CNTNAP2: variants seen among roughly 807,000 people sequenced by gnomAD.
CNTNAP2 encodes contactin associated protein 2.
In CNTNAP2, 98 loss-of-function variants were observed where a neutral mutation model predicts 155.2. The ratio of observed to expected loss-of-function variants is 0.63; its 90% CI spans 0.54 to 0.75. CNTNAP2 has a LOEUF of 0.75. Ranked by LOEUF, CNTNAP2 falls within the 30% of genes least tolerant of loss-of-function variation. CNTNAP2 has a pLI of 0.00. For missense variants in CNTNAP2, 1,727 were observed against 1,688.1 expected (o/e 1.02, Z -0.40); for synonymous variants, 651 against 631.2 (o/e 1.03, Z -0.47).
intron 13 of CNTNAP2, among the ~76,000 whole-genome samples, chr7:147,889,046 G>A (rs76229836): frequency 0.012 from 1,751 of 152,200 alleles, 85 homozygotes; most frequent in Admixed American, 0.09. Flanking sequence ...TAAAATTGCT[G>A]TATTGTTTAG....
intron 10 of CNTNAP2, among the ~76,000 whole-genome samples, chr7:147,427,442 G>A (rs578010313): frequency 2.0e-5 from 3 of 152,100 alleles, no homozygotes; most frequent in Non-Finnish European, 4.4e-5. Flanking sequence ...TCTTATCAGA[G>A]CAAACAGAGG....
chr7:146,346,305 C>T (rs370108363), intron 1 of CNTNAP2, among the ~76,000 whole-genome samples: 5 of 152,284 alleles, frequency 3.3e-5, no homozygotes, highest in East Asian at 1.9e-4. Flanking sequence ...CCTGTCAGAT[C>T]GTCTGTGGCA....
rs1207163845 is a variant in CNTNAP2, at chr7:148,019,969, G to C, written c.2383+41980G>C. On this transcript the variant is annotated intron_variant, in intron 15 of 23. Coordinates refer to ENST00000361727, the MANE Select transcript of CNTNAP2 (RefSeq NM_014141.6). ...CCAGCTAATTTCTGTATTTTTAGTAGAGACAGGGTTTCACCATGTTGGTCA... is the reference window on the plus strand; with the variant it reads ...CCAGCTAATTTCTGTATTTTTAGTACAGACAGGGTTTCACCATGTTGGTCA... 2.0e-5 allele frequency among the ~76,000 whole-genome samples: 3 copies of C among 152,244 alleles called. No homozygotes were observed. In the East Asian group the frequency reaches 5.8e-4, roughly 29 times the overall value.
chr7:146,523,999 A>G (rs532031145), intron 1 of CNTNAP2, among the ~76,000 whole-genome samples: 1 of 152,278 alleles, frequency 6.6e-6, no homozygotes, highest in African/African-American at 2.4e-5. Flanking sequence ...ACTCTGTGGC[A>G]CATTCCCAGT....
intron 1 of CNTNAP2, among the ~76,000 whole-genome samples, chr7:146,757,743 G>T (rs953588839): frequency 1.3e-5 from 2 of 152,102 alleles, no homozygotes; most frequent in Non-Finnish European, 1.5e-5. Flanking sequence ...CCATGAGATT[G>T]CAGCCATCTC....
At chr7:147,368,359 T>C in intron 9 of CNTNAP2, among the ~76,000 whole-genome samples, 1 of 151,948 alleles carries the variant, frequency 6.6e-6, no homozygotes, top group East Asian at 1.9e-4. Flanking sequence ...AGAATGTCAG[T>C]TGAGTTGTGT....
At chr7:146,844,155 A>G (rs907304466) in intron 3 of CNTNAP2, among the ~76,000 whole-genome samples, 1 of 152,172 alleles carries the variant, frequency 6.6e-6, no homozygotes, top group Admixed American at 6.5e-5. Context: ...AACAAGTCAT[A>G]TATAAGCAAA....
chr7:148,034,553 T>A (rs2710153), intron 15 of CNTNAP2, among the ~76,000 whole-genome samples: 62 of 152,104 alleles, frequency 4.1e-4, no homozygotes, highest in African/African-American at 1.4e-3. Flanking sequence ...AGCACCTTGA[T>A]CTTGAACTTC....
chr7:147,260,542 G>T (rs1391058038), intron 8 of CNTNAP2, among the ~76,000 whole-genome samples: 1 of 152,124 alleles, frequency 6.6e-6, no homozygotes, highest in Non-Finnish European at 1.5e-5. Flanking sequence ...ATGACAAATG[G>T]AAATTAAATG....
intron 15 of CNTNAP2, among the ~76,000 whole-genome samples, chr7:148,011,771 G>A (rs1802086586): frequency 6.6e-6 from 1 of 152,200 alleles, no homozygotes. Context: ...GTGAGGGCAG[G>A]CCTGTGGTTA....
At chr7:148,277,033 A>G (rs909401394) in intron 21 of CNTNAP2, among the ~76,000 whole-genome samples, 1 of 152,204 alleles carries the variant, frequency 6.6e-6, no homozygotes, top group Admixed American at 6.5e-5. Context: ...CCTCATGAAT[A>G]AAAATGTTCA....
Position 146,832,699 on chromosome 7 carries a change from A to G in CNTNAP2, c.209-7012A>G, listed in dbSNP as rs533896710. ...TGTGTGTATATATATATATGTCAAC[A>G]TGGAAATATTACCTTTTAGCTCACT... On this transcript the variant is annotated intron_variant, in intron 2 of 23. Coordinates refer to ENST00000361727, the MANE Select transcript of CNTNAP2 (RefSeq NM_014141.6). 4.0e-5 allele frequency among the ~76,000 whole-genome samples: 6 copies of G among 150,868 alleles called. 1 individual carries two copies. The South Asian group carries it at 1.3e-3, about 31-fold the overall frequency.
chr7:148,405,028 A>G (rs1361215435), intron 22 of CNTNAP2, among the ~76,000 whole-genome samples: 1 of 152,058 alleles, frequency 6.6e-6, no homozygotes, highest in Non-Finnish European at 1.5e-5. Flanking sequence ...TGGTTTTGGA[A>G]AAAGCAGCAT....
chr7:147,048,809 C>A (rs535028079), intron 4 of CNTNAP2, among the ~76,000 whole-genome samples: 1 of 152,194 alleles, frequency 6.6e-6, no homozygotes, highest in African/African-American at 2.4e-5. Context: ...TTTTTCATGT[C>A]TTTTTATAAC....
At chr7:147,993,021 A>G (rs1338990960) in intron 15 of CNTNAP2, among the ~76,000 whole-genome samples, 1 of 152,218 alleles carries the variant, frequency 6.6e-6, no homozygotes, top group Non-Finnish European at 1.5e-5. Flanking sequence ...TTTCACAGAA[A>G]AGAAATTTAT....
intron 1 of CNTNAP2, among the ~76,000 whole-genome samples, chr7:146,144,894 G>GA (rs1192874389): frequency 2.0e-5 from 3 of 152,132 alleles, no homozygotes; most frequent in African/African-American, 7.2e-5. Context: ...ATGAAACAGT[G>GA]AATGGAAGGG....
At chr7:147,683,317 C>T (rs1188394318) in intron 13 of CNTNAP2, among the ~76,000 whole-genome samples, 6 of 151,778 alleles carry the variant, frequency 4.0e-5, no homozygotes, top group Non-Finnish European at 7.4e-5. Context: ...AAAATGGAAA[C>T]TGCAGCCTTT....
At chr7:146,440,511 G>A (rs1243823335) in intron 1 of CNTNAP2, among the ~76,000 whole-genome samples, 1 of 151,370 alleles carries the variant, frequency 6.6e-6, no homozygotes, top group Non-Finnish European at 1.5e-5. Context: ...GAAGTGGATG[G>A]GTATGTCTCT....
At chr7:146,942,976 A>C (rs1395395405) in intron 3 of CNTNAP2, among the ~76,000 whole-genome samples, 1 of 152,168 alleles carries the variant, frequency 6.6e-6, no homozygotes, top group Non-Finnish European at 1.5e-5. Context: ...AATAGTGTTC[A>C]TTTTTACATG....
Sources: allele counts gnomAD v4.1 joint callset (sites outside exome capture counted in the v4.1 genomes callset), GRCh38; gene constraint gnomAD v4.1.1; transcripts MANE v1.5; gene names NCBI Gene and HGNC (gene_info 2026-07-23, HGNC 2026-07-21).